LRRC4C: variants seen among roughly 807,000 people sequenced by gnomAD.
LRRC4C encodes the protein leucine rich repeat containing 4C, also known as leucine-rich repeat-containing protein 4C.
A neutral mutation model predicts 33.6 loss-of-function variants in LRRC4C; 5 were observed. The observed-to-expected ratio is 0.15, with a 90% CI of 0.08 to 0.31. The LOEUF (loss-of-function observed/expected upper bound fraction) is 0.31. Among genes scored for constraint, LRRC4C ranks in the 10% least tolerant of loss-of-function variants. The pLI is 1.00. For missense variants in LRRC4C, 560 were observed against 796.7 expected, an observed-to-expected ratio of 0.70 and a Z score of 3.58; for synonymous variants, 329 against 302.0, an observed-to-expected ratio of 1.09 and a Z score of -0.93.
chr11:41,225,995 A>T (rs536205679), intron 1 of LRRC4C, among the ~76,000 whole-genome samples: 3 of 152,304 alleles, frequency 2.0e-5, no homozygotes, highest in African/African-American at 7.2e-5. Flanking sequence ...TTCTATTACT[A>T]GACATGACTG....
At position 41,360,842 on chromosome 11, in the gene LRRC4C, A is replaced by T. The variant is rs117912671; in HGVS notation, c.-496+98589T>A. Among the ~76,000 whole-genome samples the T allele has an allele frequency of 2.8e-3, 431 of 152,264 alleles. 7 individuals are homozygous for T. The highest frequency in any genetic ancestry group is 0.018 in the East Asian group (95 of 5,168). On this transcript the variant is annotated intron_variant, in intron 1 of 6. Coordinates refer to ENST00000528697, the MANE Select transcript of LRRC4C (RefSeq NM_001258419.2). ...GAAGGCTTTTGTTTTTTGATTTATTAGTTTTCTACTCCACTTGTTCAAATT... is the reference window on the plus strand; with the variant it reads ...GAAGGCTTTTGTTTTTTGATTTATTTGTTTTCTACTCCACTTGTTCAAATT...
rs548287898 is a variant in LRRC4C, at chr11:40,791,240, A to G, written c.-407+142395T>C. 1.8e-4 allele frequency among the ~76,000 whole-genome samples: 27 copies of G among 152,276 alleles called. No homozygotes were observed. In the South Asian group the frequency reaches 5.4e-3, roughly 30 times the overall value. ...ACAAAATCATGGGGCCTATGAAAGC[A>G]TTGTATGGTGTTGCAAATAAACTCT... On this transcript the variant is annotated intron_variant, in intron 2 of 6. Transcript: ENST00000528697.
intron 3 of LRRC4C, among the ~76,000 whole-genome samples, chr11:40,548,463 C>T (rs1957010608): frequency 6.6e-6 from 1 of 152,044 alleles, no homozygotes; most frequent in Non-Finnish European, 1.5e-5. Context: ...GCAAATAAGC[C>T]TGGAAGAGAT....
chr11:40,687,723 GTC>G (rs1945029567), intron 2 of LRRC4C, among the ~76,000 whole-genome samples: 1 of 151,972 alleles, frequency 6.6e-6, no homozygotes, highest in Non-Finnish European at 1.5e-5. Flanking sequence ...GACAAAACCT[GTC>G]TATAATTTTA....
At chr11:40,554,588 C>A (rs1171717708) in intron 3 of LRRC4C, among the ~76,000 whole-genome samples, 4 of 152,058 alleles carry the variant, frequency 2.6e-5, no homozygotes, top group Non-Finnish European at 4.4e-5. Flanking sequence ...TCTTCCAATC[C>A]ATGAGCATGA....
intron 1 of LRRC4C, among the ~76,000 whole-genome samples, chr11:41,327,523 TA>T (rs1178852268): frequency 2.6e-5 from 4 of 152,222 alleles, no homozygotes; most frequent in Non-Finnish European, 4.4e-5. Context: ...TATTTAATAT[TA>T]AATCTACTTC....
intron 1 of LRRC4C, among the ~76,000 whole-genome samples, chr11:41,039,780 A>G (rs1032990940): frequency 6.6e-6 from 1 of 152,074 alleles, no homozygotes; most frequent in African/African-American, 2.4e-5. Flanking sequence ...CACAGAAACT[A>G]CTTGCTATTT....
At chr11:41,179,258 A>G (rs947940056) in intron 1 of LRRC4C, among the ~76,000 whole-genome samples, 1 of 151,606 alleles carries the variant, frequency 6.6e-6, no homozygotes, top group African/African-American at 2.4e-5. Context: ...AAAAGCATTC[A>G]GGGCAAAATT....
rs56194204 is a variant in LRRC4C at position 41,389,639 on chromosome 11, C to CAAAAAA, written c.-496+69786_-496+69791dup. On this transcript the variant is annotated intron_variant, in intron 1 of 6. Transcript: ENST00000528697. ...CCTAATCTAGGATAACAGTGAGCAG[C>CAAAAAA]AAAAAAAAAAAAAATCACAAAAGAA... 5.8e-4 allele frequency among the ~76,000 whole-genome samples: 47 copies of CAAAAAA among 80,958 alleles called. 9 individuals carry two copies. Among genetic ancestry groups the CAAAAAA allele is most frequent in the South Asian group, 1.5e-3 (3 of 2,004 alleles). The allele number at this position is 80,958 out of a possible 152,430, so 53.1% of individuals were successfully genotyped here.
chr11:40,718,748 T>C (rs1194476647), intron 2 of LRRC4C, among the ~76,000 whole-genome samples: 1 of 152,190 alleles, frequency 6.6e-6, no homozygotes, highest in Admixed American at 6.5e-5. Context: ...AAAGGAGTTT[T>C]CTGAGTTGGT....
At chr11:40,822,082 C>A (rs1180728467) in intron 2 of LRRC4C, among the ~76,000 whole-genome samples, 1 of 151,636 alleles carries the variant, frequency 6.6e-6, no homozygotes, top group African/African-American at 2.4e-5. Context: ...GTTTACCCTA[C>A]TGTGCTATTG....
At chr11:40,468,927 G>A (rs1258729013) in intron 3 of LRRC4C, among the ~76,000 whole-genome samples, 4 of 152,178 alleles carry the variant, frequency 2.6e-5, no homozygotes, top group East Asian at 1.9e-4. Flanking sequence ...TTTAAAAAGT[G>A]TGTTCTGTCA....
chr11:40,350,899 T>C (rs879290333), intron 3 of LRRC4C, among the ~76,000 whole-genome samples: 3 of 152,066 alleles, frequency 2.0e-5, no homozygotes, highest in Admixed American at 2.0e-4. Flanking sequence ...TTGCTTGCTG[T>C]TGGCATGTAG....
At chr11:40,352,965 T>A (rs1947481803) in intron 3 of LRRC4C, among the ~76,000 whole-genome samples, 2 of 152,338 alleles carry the variant, frequency 1.3e-5, no homozygotes, top group South Asian at 4.1e-4. Context: ...AGCACCTTTG[T>A]ATGTTATTTG....
chr11:40,847,346 T>C (rs1953234879), intron 2 of LRRC4C, among the ~76,000 whole-genome samples: 1 of 152,216 alleles, frequency 6.6e-6, no homozygotes, highest in Non-Finnish European at 1.5e-5. Flanking sequence ...TTGAATGTTT[T>C]TTAGCATGAA....
intron 5 of LRRC4C, among the ~76,000 whole-genome samples, chr11:40,153,786 CT>C (rs1858426774): frequency 1.3e-5 from 2 of 151,892 alleles, no homozygotes; most frequent in African/African-American, 4.8e-5. Context: ...TCCAAGAAGA[CT>C]GGGAGTATGT....
chr11:41,175,472 C>G (rs1051575894), intron 1 of LRRC4C, among the ~76,000 whole-genome samples: 1 of 152,032 alleles, frequency 6.6e-6, no homozygotes, highest in African/African-American at 2.4e-5. Flanking sequence ...AGGATCCAGG[C>G]TGTTGGAACT....
intron 1 of LRRC4C, among the ~76,000 whole-genome samples, chr11:41,361,557 C>T (rs1952356765): frequency 2.0e-5 from 3 of 152,138 alleles, no homozygotes; most frequent in Non-Finnish European, 2.9e-5. Flanking sequence ...TTTTCTGTAA[C>T]AGAAAATTAC....
At chr11:40,480,703 C>T (rs1294194117) in intron 3 of LRRC4C, among the ~76,000 whole-genome samples, 5 of 151,718 alleles carry the variant, frequency 3.3e-5, no homozygotes, top group Non-Finnish European at 7.4e-5. Flanking sequence ...TATATACACG[C>T]AATAGAATAT....
Sources: allele counts gnomAD v4.1 joint callset (sites outside exome capture counted in the v4.1 genomes callset), GRCh38; gene constraint gnomAD v4.1.1; transcripts MANE v1.5; gene names NCBI Gene and HGNC (gene_info 2026-07-23, HGNC 2026-07-21).